TTPA: variants seen among roughly 807,000 people sequenced by gnomAD.
TTPA encodes the protein alpha-tocopherol transfer protein.
In TTPA, 23 loss-of-function variants were observed where a neutral mutation model predicts 25.9. The observed-to-expected ratio is 0.89, with a 90% CI of 0.64 to 1.26. TTPA has a LOEUF of 1.26. TTPA is among the 50% of genes most tolerant of loss of function. TTPA has a pLI of 0.00. For missense variants in TTPA, 337 were observed against 353.1 expected, an observed-to-expected ratio of 0.95 and a Z score of 0.37; for synonymous variants, 148 against 137.3, an observed-to-expected ratio of 1.08 and a Z score of -0.54.
intron 1 of TTPA, among the ~76,000 whole-genome samples, chr8:63,082,522 C>T (rs1805679924): frequency 6.6e-6 from 1 of 152,134 alleles, no homozygotes; most frequent in Admixed American, 6.6e-5. Flanking sequence ...AATGTTAGAC[C>T]TAAAACCATA....
At chr8:63,064,108 T>G in intron 4 of TTPA, 98 bp downstream of exon 4, 1 of 812,864 alleles carries the variant, frequency 1.2e-6, no homozygotes, top group Non-Finnish European at 2.1e-6. Context: ...ATGATATAGA[T>G]GGGCAGGTAC....
chr8:63,069,997 A>G (rs1585689952), intron 2 of TTPA, among the ~76,000 whole-genome samples: 1 of 152,178 alleles, frequency 6.6e-6, no homozygotes, highest in Non-Finnish European at 1.5e-5. Flanking sequence ...AGATAGACAG[A>G]CTGATAGATT....
intron 4 of TTPA, among the ~76,000 whole-genome samples, chr8:63,062,292 A>T (rs1361461140): frequency 1.3e-5 from 2 of 152,342 alleles, no homozygotes; most frequent in East Asian, 3.9e-4. Flanking sequence ...TATAAAATTG[A>T]TCATAGAATG....
At chr8:63,072,324 G>A (rs370083883) in intron 2 of TTPA, among the ~76,000 whole-genome samples, 11 of 152,224 alleles carry the variant, frequency 7.2e-5, no homozygotes, top group East Asian at 3.9e-4. Flanking sequence ...GTGCAATGGC[G>A]CAATCTTGAC....
chr8:63,083,954 G>A (rs567856625), intron 1 of TTPA, among the ~76,000 whole-genome samples: 2 of 150,176 alleles, frequency 1.3e-5, no homozygotes, highest in East Asian at 3.9e-4. Context: ...GCACAATCTC[G>A]GCTCTCTGCA....
At chr8:63,079,598 A>C (rs1435279165) in intron 1 of TTPA, among the ~76,000 whole-genome samples, 1 of 152,188 alleles carries the variant, frequency 6.6e-6, no homozygotes, top group Non-Finnish European at 1.5e-5. Flanking sequence ...TATAATGGTA[A>C]AGGGATCAAT....
intron 1 of TTPA, among the ~76,000 whole-genome samples, chr8:63,082,941 T>A (rs1263468543): frequency 6.6e-6 from 1 of 152,172 alleles, no homozygotes; most frequent in Non-Finnish European, 1.5e-5. Context: ...AATGAGATAC[T>A]ATCTCACGCC....
At chr8:63,081,169 C>A (rs1805658268) in intron 1 of TTPA, among the ~76,000 whole-genome samples, 1 of 152,066 alleles carries the variant, frequency 6.6e-6, no homozygotes, top group African/African-American at 2.4e-5. Flanking sequence ...GATATCAAAG[C>A]CTGGCAGAGA....
At chr8:63,082,218 A>G (rs1805674669) in intron 1 of TTPA, among the ~76,000 whole-genome samples, 1 of 152,240 alleles carries the variant, frequency 6.6e-6, no homozygotes, top group Non-Finnish European at 1.5e-5. Flanking sequence ...AGCTGGAGGC[A>G]TCATGCTACC....
chr8:63,085,136 A>T (rs903367741), intron 1 of TTPA, among the ~76,000 whole-genome samples: 6 of 152,220 alleles, frequency 3.9e-5, no homozygotes, highest in African/African-American at 1.4e-4. Flanking sequence ...TTCCATCATT[A>T]TTTAACAGAT....
At chr8:63,069,495 T>C (rs1805449191) in intron 2 of TTPA, among the ~76,000 whole-genome samples, 3 of 151,886 alleles carry the variant, frequency 2.0e-5, no homozygotes. Flanking sequence ...TTTGTGGGTC[T>C]GATGGGGGAG....
chr8:63,075,126 C>T (rs1396880951), intron 1 of TTPA, among the ~76,000 whole-genome samples: 1 of 152,190 alleles, frequency 6.6e-6, no homozygotes, highest in Admixed American at 6.5e-5. Context: ...TGCTACTGAG[C>T]AATTCTCAAA....
At chr8:63,083,308 T>C (rs891605014) in intron 1 of TTPA, among the ~76,000 whole-genome samples, 7 of 152,122 alleles carry the variant, frequency 4.6e-5, no homozygotes, top group African/African-American at 1.7e-4. Flanking sequence ...TATGCAGCCA[T>C]AAAGAAGGAT....
At position 63,061,315 on chromosome 8, in the gene TTPA, T is replaced by C. The variant is rs1224792991; in HGVS notation, c.774A>G (p.Glu258=). ...CAGACTTCATTATAAAATTTGTCCATTCCTGACAAATGTCCTCCATGGAGA... is the reference window on the plus strand; with the variant it reads ...CAGACTTCATTATAAAATTTGTCCACTCCTGACAAATGTCCTCCATGGAGA... ...EEFSMEDICQ[E]WTNFIMKSED... The change falls in exon 5 of 5, where the codon GAA becomes GAG. Residue 258 remains glutamate, a synonymous_variant. Coordinates refer to ENST00000260116, the MANE Select transcript of TTPA (RefSeq NM_000370.3). The C allele has an allele frequency of 1.9e-6, 3 of 1,613,794 alleles. No homozygotes were observed. The highest frequency in any genetic ancestry group is 2.5e-6 in the Non-Finnish European group (3 of 1,179,902).
chr8:63,079,760 A>G (rs551131058), intron 1 of TTPA, among the ~76,000 whole-genome samples: 2 of 152,290 alleles, frequency 1.3e-5, no homozygotes, highest in South Asian at 4.1e-4. Flanking sequence ...AGACAGATCA[A>G]TGAGACAGAA....
Position 63,066,075 on chromosome 8 carries a change from A to G in TTPA, c.381T>C (p.Phe127=), listed in dbSNP as rs768075601. 19 of 1,568,928 alleles carry G rather than the reference A, an allele frequency of 1.2e-5. No homozygotes were observed. The South Asian group carries it at 1.8e-4, about 15-fold the overall frequency. Residue 127 remains phenylalanine (F), a synonymous_variant, in exon 3 of 5, where the codon TTT becomes TTC. Transcript: ENST00000260116. Reference sequence around the variant, plus strand: ...TTACTCGAAATACGTCATAAGCTGTAAAAACTTTGGGGTCCCAGTGTGCTA... The same window carrying G: ...TTACTCGAAATACGTCATAAGCTGTGAAAACTTTGGGGTCCCAGTGTGCTA... ...YRIAHWDPKV[F]TAYDVFRVSL...
intron 1 of TTPA, 134 bp downstream of exon 1, chr8:63,085,684 G>T: frequency 9.0e-7 from 1 of 1,105,128 alleles, no homozygotes; most frequent in Non-Finnish European, 1.3e-6. Flanking sequence ...ACGCCGGGTG[G>T]TTAGGGGCGC....
chr8:63,070,904 A>G (rs1805472568), intron 2 of TTPA, among the ~76,000 whole-genome samples: 1 of 152,228 alleles, frequency 6.6e-6, no homozygotes, highest in African/African-American at 2.4e-5. Context: ...ACACTCAATT[A>G]AAGTTGAATT....
intron 2 of TTPA, among the ~76,000 whole-genome samples, chr8:63,070,131 A>G (rs901083137): frequency 6.6e-6 from 1 of 152,202 alleles, no homozygotes; most frequent in Non-Finnish European, 1.5e-5. Flanking sequence ...TGAGATTCCA[A>G]TCCAGGTCAC....
Sources: gnomAD v4.1 joint callset for allele counts (sites outside exome capture counted in the v4.1 genomes callset) on GRCh38, gnomAD v4.1.1 for gene constraint, MANE v1.5 for transcripts, NCBI Gene and HGNC (gene_info 2026-07-23, HGNC 2026-07-21) for gene names.